NRG3: variants seen among roughly 807,000 people sequenced by gnomAD.
NRG3 encodes neuregulin 3.
In NRG3, 31 loss-of-function variants were observed where a neutral mutation model predicts 66.9. The observed-to-expected ratio is 0.46, with a 90% CI of 0.35 to 0.63. NRG3 has a LOEUF of 0.63. NRG3 is among the 20% of genes least tolerant of loss of function. The pLI is 0.00. For missense variants in NRG3, 910 were observed against 878.9 expected (o/e 1.04, Z -0.45); for synonymous variants, 393 against 359.4 (o/e 1.09, Z -1.06).
At chr10:81,927,882 A>G (rs1252819980) in intron 1 of NRG3, among the ~76,000 whole-genome samples, 2 of 152,144 alleles carry the variant, frequency 1.3e-5, no homozygotes, top group Non-Finnish European at 2.9e-5. Context: ...ATCAGCATTA[A>G]AGTTAAAACA....
At chr10:82,973,513 G>C (rs1156738201) in intron 6 of NRG3, among the ~76,000 whole-genome samples, 2 of 152,054 alleles carry the variant, frequency 1.3e-5, no homozygotes, top group African/African-American at 2.4e-5. Context: ...TGTGCCATGG[G>C]TGTGCATTAA....
chr10:81,885,364 T>C (rs776299799), intron 1 of NRG3, among the ~76,000 whole-genome samples: 1 of 152,132 alleles, frequency 6.6e-6, no homozygotes, highest in Non-Finnish European at 1.5e-5. Flanking sequence ...AAATCAATGA[T>C]GGGAGTTGGA....
At chr10:82,711,387 A>G (rs1390177819) in intron 2 of NRG3, among the ~76,000 whole-genome samples, 1 of 152,064 alleles carries the variant, frequency 6.6e-6, no homozygotes, top group Non-Finnish European at 1.5e-5. Context: ...ATGCCTGGCC[A>G]TATTTATTCT....
At chr10:82,831,582 G>A (rs888206721) in intron 3 of NRG3, among the ~76,000 whole-genome samples, 2 of 152,098 alleles carry the variant, frequency 1.3e-5, no homozygotes, top group African/African-American at 2.4e-5. Context: ...TTGGGAGGCC[G>A]AGGTAGGTGG....
chr10:82,686,433 C>T (rs2134165525), intron 2 of NRG3, among the ~76,000 whole-genome samples: 1 of 152,244 alleles, frequency 6.6e-6, no homozygotes, highest in African/African-American at 2.4e-5. Context: ...GGTGATCCAC[C>T]CACCTCAGCC....
At chr10:82,835,705 C>T (rs753163470) in intron 3 of NRG3, among the ~76,000 whole-genome samples, 39 of 152,168 alleles carry the variant, frequency 2.6e-4, no homozygotes, top group Non-Finnish European at 5.3e-4. Context: ...AGCCTATCAT[C>T]AGCTTTGCAG....
Position 82,707,017 on chromosome 10 carries a change from A to AT in NRG3, c.954-31560_954-31559insT, listed in dbSNP as rs1491161633. On this transcript the variant is annotated intron_variant, in intron 2 of 8. Transcript: ENST00000372141. The stretch of plus-strand genomic sequence containing the variant: ...TCAAAAAAAAAAAATAAAATAAAAT[A>AT]AATATATATATATATATATATGTAT... 4.0e-3 allele frequency among the ~76,000 whole-genome samples: 357 copies of AT among 89,548 alleles called. 2 individuals carry two copies. The highest frequency in any genetic ancestry group is 0.014 in the African/African-American group (337 of 24,308). The allele number at this position is 89,548 out of a possible 152,430, so 58.7% of individuals were successfully genotyped here.
At chr10:81,934,471 C>T (rs1256266460) in intron 1 of NRG3, among the ~76,000 whole-genome samples, 2 of 152,174 alleles carry the variant, frequency 1.3e-5, no homozygotes, top group Non-Finnish European at 2.9e-5. Flanking sequence ...CATAAAGCTT[C>T]TATCATACAA....
intron 4 of NRG3, among the ~76,000 whole-genome samples, chr10:82,942,636 G>A (rs1592039617): frequency 6.6e-6 from 1 of 152,210 alleles, no homozygotes; most frequent in African/African-American, 2.4e-5. Flanking sequence ...TTGGCAGGCA[G>A]CCTGGCCTGA....
At chr10:82,514,159 ATTTC>A (rs1318243546) in intron 2 of NRG3, among the ~76,000 whole-genome samples, 1 of 152,060 alleles carries the variant, frequency 6.6e-6, no homozygotes, top group African/African-American at 2.4e-5. Flanking sequence ...TCTGATAATA[ATTTC>A]TTTTGCTGTG....
Position 82,245,243 on chromosome 10 carries a change from T to C in NRG3, c.824-113496T>C, listed in dbSNP as rs113560054. On this transcript the variant is annotated intron_variant, in intron 1 of 8. Transcript: ENST00000372141. ...GAGAGCATAACCTAGATCCCTCGCATGTGTAGTTCACAATAGGGTTCTCAC... is the reference window on the plus strand; with the variant it reads ...GAGAGCATAACCTAGATCCCTCGCACGTGTAGTTCACAATAGGGTTCTCAC... Among the ~76,000 whole-genome samples the C allele has an allele frequency of 5.8e-3, 889 of 152,248 alleles. 5 individuals are homozygous for C. The highest frequency in any genetic ancestry group is 0.019 in the African/African-American group (789 of 41,558).
intron 2 of NRG3, among the ~76,000 whole-genome samples, chr10:82,397,474 A>G (rs1470537273): frequency 1.3e-5 from 2 of 152,220 alleles, no homozygotes; most frequent in Non-Finnish European, 2.9e-5. Flanking sequence ...AATTAAACAT[A>G]GTGAGCCAAT....
intron 1 of NRG3, among the ~76,000 whole-genome samples, chr10:81,879,474 C>A (rs1276362442): frequency 3.9e-5 from 6 of 152,136 alleles, no homozygotes; most frequent in African/African-American, 1.4e-4. Context: ...ACATAGAATT[C>A]TTTTACTAAG....
At chr10:82,979,255 G>C in intron 8 of NRG3, 135 bp downstream of exon 8, 1 of 920,560 alleles carries the variant, frequency 1.1e-6, no homozygotes, top group South Asian at 1.8e-5. Context: ...TGCCATCTTT[G>C]TTCTACAAAA....
chr10:82,830,331 A>G lies in NRG3; in HGVS notation c.1028-35080A>G, dbSNP rs78508824. 7.1e-3 allele frequency among the ~76,000 whole-genome samples: 1,085 copies of G among 152,318 alleles called. 12 individuals carry two copies. Among genetic ancestry groups the G allele is most frequent in the African/African-American group, 0.023 (949 of 41,574 alleles). On this transcript the variant is annotated intron_variant, in intron 3 of 8. Transcript: ENST00000372141. ...ACAATGTAGACAATCGCTAGGTCTAAGATATTTGACTTTAACCAAAATTGT... is the reference window on the plus strand; with the variant it reads ...ACAATGTAGACAATCGCTAGGTCTAGGATATTTGACTTTAACCAAAATTGT...
At chr10:82,860,898 T>G (rs564643228) in intron 3 of NRG3, among the ~76,000 whole-genome samples, 6 of 152,340 alleles carry the variant, frequency 3.9e-5, no homozygotes, top group Non-Finnish European at 8.8e-5. Context: ...CTTGATGTTT[T>G]CCTGCAGGCG....
chr10:82,525,634 A>C (rs2132589049), intron 2 of NRG3, among the ~76,000 whole-genome samples: 1 of 152,022 alleles, frequency 6.6e-6, no homozygotes, highest in South Asian at 2.1e-4. Flanking sequence ...GGTGAGGAAC[A>C]TCATGCAATA....
intron 1 of NRG3, among the ~76,000 whole-genome samples, chr10:82,306,195 A>G (rs987144699): frequency 1.3e-5 from 2 of 152,166 alleles, no homozygotes; most frequent in African/African-American, 4.8e-5. Flanking sequence ...TTAACACTTG[A>G]TCATGATGTA....
chr10:82,915,027 T>C (rs1845699828), intron 4 of NRG3, among the ~76,000 whole-genome samples: 2 of 152,192 alleles, frequency 1.3e-5, no homozygotes, highest in African/African-American at 2.4e-5. Context: ...TAGAGGTTTA[T>C]GGAAGGAAAA....
Sources: allele counts gnomAD v4.1 joint callset (sites outside exome capture counted in the v4.1 genomes callset), GRCh38; gene constraint gnomAD v4.1.1; transcripts MANE v1.5; gene names NCBI Gene and HGNC (gene_info 2026-07-23, HGNC 2026-07-21).